The following CCSER1 variants were observed in gnomAD, a reference collection of about 807,000 sequenced individuals.
CCSER1 encodes coiled-coil serine rich protein 1, also known as serine-rich coiled-coil domain-containing protein 1.
Under a neutral mutation model 82.0 loss-of-function variants are expected in CCSER1, and 41 were observed. The observed-to-expected ratio is 0.50, with a 90% CI of 0.39 to 0.65. CCSER1 has a LOEUF of 0.65. CCSER1 is among the 30% of genes least tolerant of loss of function. CCSER1 has a pLI of 0.00. For missense variants in CCSER1, 1,119 were observed against 1,064.2 expected (o/e 1.05, Z -0.72); for synonymous variants, 414 against 383.9 (o/e 1.08, Z -0.92).
At chr4:91,104,740 T>G (rs996854981) in intron 10 of CCSER1, among the ~76,000 whole-genome samples, 2 of 152,200 alleles carry the variant, frequency 1.3e-5, no homozygotes, top group South Asian at 2.1e-4. Flanking sequence ...GTTTAGTTTC[T>G]CCTCAAGCCT....
At chr4:90,442,801 A>G (rs1760079584) in intron 4 of CCSER1, among the ~76,000 whole-genome samples, 1 of 152,204 alleles carries the variant, frequency 6.6e-6, no homozygotes, top group East Asian at 1.9e-4. Flanking sequence ...ATTTATTGGC[A>G]AGTAATTTTA....
chr4:90,141,195 T>A (rs1215198441), intron 1 of CCSER1, among the ~76,000 whole-genome samples: 1 of 152,176 alleles, frequency 6.6e-6, no homozygotes, highest in African/African-American at 2.4e-5. Flanking sequence ...TTCTTTCTTT[T>A]CCAGCAAACA....
chr4:91,115,739 G>C (rs1283483684), intron 10 of CCSER1, among the ~76,000 whole-genome samples: 1 of 149,058 alleles, frequency 6.7e-6, no homozygotes, highest in East Asian at 2.0e-4. Flanking sequence ...TATAACGAAA[G>C]TTGGAGAAAG....
intron 3 of CCSER1, among the ~76,000 whole-genome samples, chr4:90,362,504 T>A (rs925175305): frequency 1.3e-5 from 2 of 152,152 alleles, no homozygotes; most frequent in African/African-American, 2.4e-5. Context: ...AAAGGCTAGG[T>A]GTAATTGAGA....
intron 3 of CCSER1, among the ~76,000 whole-genome samples, chr4:90,314,402 T>C (rs1735804248): frequency 6.6e-6 from 1 of 152,186 alleles, no homozygotes; most frequent in African/African-American, 2.4e-5. Flanking sequence ...ACAAAACATT[T>C]ATCATCACAA....
intron 5 of CCSER1, among the ~76,000 whole-genome samples, chr4:90,510,561 C>T (rs1771351668): frequency 6.6e-6 from 1 of 152,188 alleles, no homozygotes; most frequent in Non-Finnish European, 1.5e-5. Flanking sequence ...GTTGTCTTTT[C>T]CAGCTTTTCC....
intron 3 of CCSER1, among the ~76,000 whole-genome samples, chr4:90,355,663 A>C (rs551773453): frequency 6.6e-6 from 1 of 152,002 alleles, no homozygotes; most frequent in African/African-American, 2.4e-5. Context: ...TGCCATAGAC[A>C]GTAGAGAATA....
rs140316132 is a variant in CCSER1, at chr4:90,400,193, A to G, written c.1603+64A>G. 8.1e-5 allele frequency: 69 copies of G among 848,176 alleles called. No individual in the cohort carries two copies. The African/African-American group carries it at 9.8e-4, about 12-fold the overall frequency. 52.5% of individuals were successfully genotyped at this position (848,176 alleles called of 1,614,324 possible). A position where few individuals can be genotyped will look rare whatever the true frequency, so the allele number is the denominator to read the frequency against. On this transcript the variant is annotated intron_variant, in intron 4 of 10. Transcript: ENST00000509176. The stretch of plus-strand genomic sequence containing the variant: ...ACCCTGGTCAGTAGCTTTCACTGAT[A>G]GCCTAAACACTGTTAAGGCTGCCTT...
At chr4:90,421,663 C>CTATATATATATATATA (rs1414008153) in intron 4 of CCSER1, among the ~76,000 whole-genome samples, 1 of 152,014 alleles carries the variant, frequency 6.6e-6, no homozygotes, top group African/African-American at 2.4e-5. Flanking sequence ...ATCCTTATAT[C>CTATATATATATATATA]TATGTAGTCT....
chr4:91,465,330 A>G (rs1756821199), intron 10 of CCSER1, among the ~76,000 whole-genome samples: 1 of 152,228 alleles, frequency 6.6e-6, no homozygotes, highest in African/African-American at 2.4e-5. Context: ...ACAACATATC[A>G]GAATCTCTGG....
chr4:91,402,316 T>G (rs566015504), intron 10 of CCSER1, among the ~76,000 whole-genome samples: 14 of 152,322 alleles, frequency 9.2e-5, no homozygotes, highest in African/African-American at 3.1e-4. Context: ...ATGGGTAGAT[T>G]GTAAAAATTT....
At chr4:91,572,780 G>A (rs1044289904) in intron 10 of CCSER1, among the ~76,000 whole-genome samples, 2 of 149,558 alleles carry the variant, frequency 1.3e-5, no homozygotes, top group Non-Finnish European at 3.0e-5. Flanking sequence ...TGGGCAACAT[G>A]TCAAAACCCT....
chr4:90,379,455 C>T (rs1748867423), intron 3 of CCSER1, among the ~76,000 whole-genome samples: 1 of 152,132 alleles, frequency 6.6e-6, no homozygotes, highest in Non-Finnish European at 1.5e-5. Context: ...CGTCAGATAA[C>T]AATGTGAGGC....
intron 10 of CCSER1, among the ~76,000 whole-genome samples, chr4:91,450,285 T>C (rs1175212626): frequency 6.6e-6 from 1 of 152,026 alleles, no homozygotes; most frequent in African/African-American, 2.4e-5. Context: ...CAGAGAATTA[T>C]TCATTCATGG....
chr4:91,389,624 C>G (rs1264032169), intron 10 of CCSER1, among the ~76,000 whole-genome samples: 1 of 151,668 alleles, frequency 6.6e-6, no homozygotes, highest in Non-Finnish European at 1.5e-5. Context: ...AAACAACTTG[C>G]TGAGATTTCG....
chr4:90,248,632 G>A (rs894658463), intron 1 of CCSER1, among the ~76,000 whole-genome samples: 6 of 152,046 alleles, frequency 3.9e-5, no homozygotes, highest in Admixed American at 2.0e-4. Context: ...TTCTACCAAG[G>A]TCTAGAGGAG....
At chr4:91,111,269 T>C (rs1726072603) in intron 10 of CCSER1, among the ~76,000 whole-genome samples, 2 of 152,014 alleles carry the variant, frequency 1.3e-5, no homozygotes, top group South Asian at 2.1e-4. Context: ...TGTGACCACC[T>C]TGAACTGTAA....
At chr4:91,078,391 C>G (rs1193821494) in intron 9 of CCSER1, among the ~76,000 whole-genome samples, 1 of 152,194 alleles carries the variant, frequency 6.6e-6, no homozygotes, top group South Asian at 2.1e-4. Flanking sequence ...AAGTAACAAA[C>G]AGAAAGGACA....
chr4:90,685,690 C>G (rs1381206439), intron 6 of CCSER1, among the ~76,000 whole-genome samples: 2 of 152,132 alleles, frequency 1.3e-5, no homozygotes, highest in African/African-American at 4.8e-5. Flanking sequence ...GTGTTTCACT[C>G]TCTGCCCAAC....
Sources: gnomAD v4.1 joint callset for allele counts (sites outside exome capture counted in the v4.1 genomes callset) on GRCh38, gnomAD v4.1.1 for gene constraint, MANE v1.5 for transcripts, NCBI Gene and HGNC (gene_info 2026-07-23, HGNC 2026-07-21) for gene names.